Variants in PDXK observed in about 807,000 individuals in gnomAD.
The protein encoded by PDXK is pyridoxal kinase, also known as epididymis secretory sperm binding protein Li 1a.
In PDXK, 15 loss-of-function variants were observed where a neutral mutation model predicts 43.2. The observed-to-expected ratio is 0.35, with a 90% CI of 0.23 to 0.53. The LOEUF (loss-of-function observed/expected upper bound fraction) is 0.53, where lower values mean the gene tolerates loss of function less well. PDXK is among the 20% of genes least tolerant of loss of function. PDXK has a pLI of 0.92. For synonymous variants in PDXK, 172 were observed against 165.4 expected (o/e 1.04, Z -0.31); for missense variants, 343 against 417.0 (o/e 0.82, Z 1.54).
chr21:43,747,425 T>A (rs561486822), intron 5 of PDXK, among the ~76,000 whole-genome samples: 1 of 152,386 alleles, frequency 6.6e-6, no homozygotes, highest in Non-Finnish European at 1.5e-5. Flanking sequence ...GCTTCTCCAC[T>A]GGCACAGGGC....
rs1284896755 is a variant in PDXK at position 43,757,575 on chromosome 21, C to T, written c.*1512C>T. The T allele has an allele frequency of 6.6e-6, 1 of 152,252 alleles. No individual in the cohort carries two copies. The highest frequency in any genetic ancestry group is 1.5e-5 in the Non-Finnish European group (1 of 68,060). 9.4% of individuals were successfully genotyped at this position (152,252 alleles called of 1,614,324 possible). ...GAGTGCGTTCTTTGTTGAAAAATGC[C>T]CTGAAGCGAAAAGATGCAGGTTTAT... On this transcript the variant is annotated 3_prime_UTR_variant, in exon 11 of 11. Transcript: ENST00000291565.
intron 2 of PDXK, among the ~76,000 whole-genome samples, chr21:43,739,222 C>A (rs2083453499): frequency 6.6e-6 from 1 of 152,178 alleles, no homozygotes; most frequent in Non-Finnish European, 1.5e-5. Flanking sequence ...GAGGTTTTGC[C>A]ACGTTGGCCA....
At chr21:43,755,059 A>T (rs905720276) in intron 9 of PDXK, among the ~76,000 whole-genome samples, 1 of 152,206 alleles carries the variant, frequency 6.6e-6, no homozygotes, top group Non-Finnish European at 1.5e-5. Context: ...GAAAAGTGCC[A>T]GCTGGCACCC....
chr21:43,719,502 G>A, intron 1 of PDXK, 121 bp downstream of exon 1: 2 of 1,324,016 alleles, frequency 1.5e-6, no homozygotes, highest in Non-Finnish European at 2.0e-6. Flanking sequence ...GCCTGGCGCG[G>A]GCGCCCTGGA....
chr21:43,753,698 C>T lies in PDXK; in HGVS notation c.738C>T (p.His246=). 6.2e-7 allele frequency: 1 copy of T among 1,613,204 alleles called. No individual in the cohort carries two copies. Among genetic ancestry groups the T allele is most frequent in the South Asian group, 1.1e-5 (1 of 90,962 alleles). Residue 246 remains histidine, a synonymous_variant, in exon 9 of 11, where the codon CAC becomes CAT. Coordinates refer to ENST00000291565, the MANE Select transcript of PDXK (RefSeq NM_003681.5). Reference sequence around the variant, plus strand: ...CTGCCATGCTCCTGGCGTGGACACACAAGCACCCCAATAACCTCAAGGTCA... The same window carrying T: ...CTGCCATGCTCCTGGCGTGGACACATAAGCACCCCAATAACCTCAAGGTCA... ...LFAAMLLAWT[H]KHPNNLKVAC...
At chr21:43,724,933 C>A (rs1304282215) in intron 1 of PDXK, among the ~76,000 whole-genome samples, 2 of 151,792 alleles carry the variant, frequency 1.3e-5, no homozygotes, top group African/African-American at 4.8e-5. Context: ...ACTAGGTAGA[C>A]CCTGTTTTTA....
chr21:43,755,021 C>T (rs895766060), intron 9 of PDXK, among the ~76,000 whole-genome samples: 3 of 152,096 alleles, frequency 2.0e-5, no homozygotes, highest in African/African-American at 7.2e-5. Flanking sequence ...GTAAGCCTGC[C>T]GTGTTTAATT....
Position 43,740,659 on chromosome 21 carries a change from C to T in PDXK, c.143-1008C>T, listed in dbSNP as rs139507797. Among the ~76,000 whole-genome samples, 230 of 151,996 alleles carry T rather than the reference C, an allele frequency of 1.5e-3. 5 individuals carry two copies. In the East Asian group the frequency reaches 0.019, roughly 12 times the overall value. On this transcript the variant is annotated intron_variant, in intron 2 of 10. Transcript: ENST00000291565. Reference sequence around the variant, plus strand: ...GGTGGTCCCGCCTGCAGGAAGCCGACGCGTCTGTCCTCACACATTGATATG... The same window carrying T: ...GGTGGTCCCGCCTGCAGGAAGCCGATGCGTCTGTCCTCACACATTGATATG...
chr21:43,724,036 G>C (rs2083229695), intron 1 of PDXK: 1 of 152,354 alleles, frequency 6.6e-6, no homozygotes, highest in South Asian at 2.1e-4. Context: ...AGACCAGAAG[G>C]CAAGACCATG....
intron 9 of PDXK, among the ~76,000 whole-genome samples, chr21:43,755,019 G>C (rs535535193): frequency 6.6e-6 from 1 of 152,298 alleles, no homozygotes; most frequent in Non-Finnish European, 1.5e-5. Flanking sequence ...AAGTAAGCCT[G>C]CCGTGTTTAA....
At position 43,719,398 on chromosome 21, in the gene PDXK, A is replaced by C; in HGVS notation, c.87+17A>C. 3.3e-6 allele frequency: 5 copies of C among 1,517,922 alleles called. No individual in the cohort carries two copies. Among genetic ancestry groups the C allele is most frequent in the Non-Finnish European group, 4.4e-6 (5 of 1,132,890 alleles). 94.0% of individuals were successfully genotyped at this position (1,517,922 alleles called of 1,614,324 possible). ...CCGCTGCAGGTACGCATCCGCCCGC[A>C]GCCCGGGCTTACGTAACCCGAGCCC... On this transcript the variant is annotated intron_variant, in intron 1 of 10. Coordinates refer to ENST00000291565, the MANE Select transcript of PDXK (RefSeq NM_003681.5).
rs1285281911 is a variant in PDXK, at chr21:43,758,592, T to C, written c.*2529T>C. On this transcript the variant is annotated 3_prime_UTR_variant, in exon 11 of 11. Transcript: ENST00000291565. ...CAGAGGCCCCTGGTGGCCTTCAGTT[T>C]CAGTTTCTCATCCAGGAAGGTAACC... The C allele has an allele frequency of 6.5e-6, 1 of 153,766 alleles. No individual in the cohort carries two copies. Among genetic ancestry groups the C allele is most frequent in the Non-Finnish European group, 1.5e-5 (1 of 68,056 alleles). 9.5% of individuals were successfully genotyped at this position (153,766 alleles called of 1,614,324 possible).
intron 7 of PDXK, among the ~76,000 whole-genome samples, chr21:43,752,046 C>A (rs2083759066): frequency 6.6e-6 from 1 of 152,116 alleles, no homozygotes; most frequent in Non-Finnish European, 1.5e-5. Context: ...GTCAGCTGAC[C>A]CTGGAGCAGG....
intron 6 of PDXK, among the ~76,000 whole-genome samples, chr21:43,749,400 C>A (rs1601828409): frequency 6.6e-6 from 1 of 152,314 alleles, no homozygotes; most frequent in East Asian, 1.9e-4. Context: ...TCATCGTGCC[C>A]AGCAGAGTAA....
chr21:43,728,619 G>A, intron 1 of PDXK: 1 of 676,884 alleles, frequency 1.5e-6, no homozygotes, highest in Non-Finnish European at 1.8e-6. Flanking sequence ...CTGCCTCGCT[G>A]TGAGCAGAGT....
rs1458154234 is a variant in PDXK, at chr21:43,723,335, C to T, written c.87+3954C>T. 2.0e-5 allele frequency among the ~76,000 whole-genome samples: 3 copies of T among 151,802 alleles called. No individual in the cohort carries two copies. The East Asian group carries it at 5.8e-4, about 29-fold the overall frequency. ...ACACCTGACTAATTTTTCTGTATTT[C>T]TGTTTAGTAGAGATGGGGTTTCACT... On this transcript the variant is annotated intron_variant, in intron 1 of 10. Coordinates refer to ENST00000291565, the MANE Select transcript of PDXK (RefSeq NM_003681.5). This position sits in a 1 kb window ranked among gnomAD's most constrained non-coding sequence, Gnocchi z 4.1.
chr21:43,724,070 A>G (rs888443852), intron 1 of PDXK, among the ~76,000 whole-genome samples: 2 of 152,194 alleles, frequency 1.3e-5, no homozygotes, highest in African/African-American at 4.8e-5. Flanking sequence ...CCCCCACCAG[A>G]AGACCCTGTG....
chr21:43,755,557 C>T (rs957123419), intron 9 of PDXK, 141 bp from the exon 10 acceptor site: 32 of 742,044 alleles, frequency 4.3e-5, no homozygotes, highest in Middle Eastern at 2.6e-4. Context: ...GGGTTCAGCA[C>T]GTGCATTGGC....
At chr21:43,744,984 G>A (rs898950825) in intron 4 of PDXK, among the ~76,000 whole-genome samples, 3 of 152,194 alleles carry the variant, frequency 2.0e-5, no homozygotes, top group African/African-American at 7.2e-5. Flanking sequence ...AGGACATGAT[G>A]CTTAGTGAAA....
Sources: gnomAD v4.1 joint callset for allele counts (sites outside exome capture counted in the v4.1 genomes callset) on GRCh38, gnomAD v4.1.1 for gene constraint, Gnocchi (gnomAD v3.1) non-coding constraint, MANE v1.5 for transcripts, NCBI Gene and HGNC (gene_info 2026-07-23, HGNC 2026-07-21) for gene names.